NDUFA11: variants seen among roughly 807,000 people sequenced by gnomAD.
NDUFA11 encodes the protein NADH dehydrogenase [ubiquinone] 1 alpha subcomplex subunit 11.
A neutral mutation model predicts 11.3 loss-of-function variants in NDUFA11; 14 were observed. The ratio of observed to expected loss-of-function variants is 1.24; its 90% CI spans 0.82 to 1.94. The LOEUF (loss-of-function observed/expected upper bound fraction) is 1.94, where lower values mean the gene tolerates loss of function less well. Among genes scored for constraint, NDUFA11 ranks in the 30% most tolerant of loss-of-function variants. NDUFA11 has a pLI of 0.00. For missense variants in NDUFA11, 204 were observed against 200.3 expected (o/e 1.02, Z -0.11); for synonymous variants, 87 against 85.6 (o/e 1.02, Z -0.09).
Position 5,899,011 on chromosome 19 carries a change from C to T in NDUFA11, c.98-2014G>A, listed in dbSNP as rs1475624453. On this transcript the variant is annotated intron_variant, in intron 1 of 3. Transcript: ENST00000308961. Reference sequence around the variant, plus strand: ...CCAGTACAGCCGTCCCCCCAGGACTCCCCACCTGCTCCTGGCCCAGCAGCC... The same window carrying T: ...CCAGTACAGCCGTCCCCCCAGGACTTCCCACCTGCTCCTGGCCCAGCAGCC... Among the ~76,000 whole-genome samples, 3 of 151,998 alleles carry T rather than the reference C, an allele frequency of 2.0e-5. No individual in the cohort carries two copies. In the East Asian group the frequency reaches 5.8e-4, roughly 29 times the overall value.
chr19:5,898,454 C>T (rs998976431), intron 1 of NDUFA11, among the ~76,000 whole-genome samples: 1 of 152,188 alleles, frequency 6.6e-6, no homozygotes, highest in African/African-American at 2.4e-5. Context: ...ATCTGCTCCC[C>T]ACAAGCACAG....
At chr19:5,894,478 C>T (rs188332713), downstream of NDUFA11, among the ~76,000 whole-genome samples, 133 of 152,304 alleles carry the variant, frequency 8.7e-4, 2 homozygotes, top group South Asian at 0.01. Context: ...CAGCCGTCTC[C>T]CCTCCTGGGC....
Position 5,896,765 on chromosome 19 carries a change from G to A in NDUFA11, c.190+140C>T. On this transcript the variant is annotated intron_variant, in intron 2 of 3. Coordinates refer to ENST00000308961, the MANE Select transcript of NDUFA11 (RefSeq NM_175614.5). The surrounding 1 kb of genome is among the most constrained non-coding windows in gnomAD (Gnocchi z 5.8). ...CACCCTACATGTATTCCTGATAAAG[G>A]AACACCCCACTTTCTCCGGATGGCC... 8.5e-7 allele frequency: 1 copy of A among 1,179,348 alleles called. No homozygotes were observed. 73.1% of individuals were successfully genotyped at this position (1,179,348 alleles called of 1,614,324 possible).
At chr19:5,897,230 T>C (rs908668063) in intron 1 of NDUFA11, among the ~76,000 whole-genome samples, 1 of 152,216 alleles carries the variant, frequency 6.6e-6, no homozygotes, top group African/African-American at 2.4e-5. Context: ...CCTTGGCCAC[T>C]TTCTCAAGCC....
At chr19:5,898,227 C>T (rs2057622721) in intron 1 of NDUFA11, among the ~76,000 whole-genome samples, 2 of 152,182 alleles carry the variant, frequency 1.3e-5, no homozygotes, top group Admixed American at 1.3e-4. Flanking sequence ...CTTCACCCAC[C>T]ACGACTGCCC....
chr19:5,895,744 T>G (rs1599692075), intron 3 of NDUFA11: 1 of 152,684 alleles, frequency 6.5e-6, no homozygotes, highest in Admixed American at 6.5e-5. Context: ...AGGGCAGGAG[T>G]GATGTCTGGC....
intron 1 of NDUFA11, 108 bp from the exon 2 acceptor site, chr19:5,897,105 C>T (rs547372803): frequency 1.1e-6 from 1 of 870,630 alleles, no homozygotes; most frequent in East Asian, 2.4e-5. Context: ...CGATGCCCCC[C>T]TTCTTTGCCC....
chr19:5,893,028 C>T, downstream of NDUFA11: 1 of 1,535,172 alleles, frequency 6.5e-7, no homozygotes, highest in South Asian at 1.2e-5. The surrounding 1 kb of genome is among the most constrained non-coding windows in gnomAD (Gnocchi z 4.1). Flanking sequence ...CGCCCTTTCT[C>T]AGGGAGCCCG....
At chr19:5,894,414 G>A (rs1481192876), downstream of NDUFA11, among the ~76,000 whole-genome samples, 2 of 152,194 alleles carry the variant, frequency 1.3e-5, no homozygotes, top group African/African-American at 2.4e-5. Context: ...CAGGTCACTG[G>A]CACGCTCCTG....
chr19:5,896,154 C>T lies in NDUFA11; in HGVS notation c.313+299G>A, dbSNP rs2057606547. 5.1e-6 allele frequency: 3 copies of T among 589,834 alleles called. No individual in the cohort carries two copies. Among genetic ancestry groups the T allele is most frequent in the Non-Finnish European group, 9.0e-6 (3 of 331,938 alleles). 36.5% of individuals were successfully genotyped at this position (589,834 alleles called of 1,614,324 possible). A position where few individuals can be genotyped will look rare whatever the true frequency, so the allele number is the denominator to read the frequency against. Reference sequence around the variant, plus strand: ...AACAGCATTCCACGCAGTGCACTGCCCATGCAAAGGCCCTGGGGCAGGACT... The same window carrying T: ...AACAGCATTCCACGCAGTGCACTGCTCATGCAAAGGCCCTGGGGCAGGACT... On this transcript the variant is annotated intron_variant, in intron 3 of 3. Transcript: ENST00000308961. The surrounding 1 kb of genome is among the most constrained non-coding windows in gnomAD (Gnocchi z 5.8).
intron 1 of NDUFA11, chr19:5,902,591 G>C (rs1157526650): frequency 6.6e-6 from 1 of 152,356 alleles, no homozygotes; most frequent in African/African-American, 2.4e-5. Context: ...TCATCAGAGG[G>C]AAGAGGACTT....
chr19:5,897,292 T>C (rs377639326), intron 1 of NDUFA11, among the ~76,000 whole-genome samples: 8 of 152,326 alleles, frequency 5.3e-5, no homozygotes, highest in South Asian at 2.1e-4. Context: ...TCAGCCATGC[T>C]GGCCCTGGCA....
downstream of NDUFA11, chr19:5,894,616 C>A: frequency 6.5e-7 from 1 of 1,534,628 alleles, no homozygotes. Flanking sequence ...CTCACTCCCT[C>A]CCAGATCCGC....
In NDUFA11 at chr19:5,896,351, C is replaced by T; in HGVS notation, c.313+102G>A. On this transcript the variant is annotated intron_variant, in intron 3 of 3. Transcript: ENST00000308961. This position sits in a 1 kb window ranked among gnomAD's most constrained non-coding sequence, Gnocchi z 5.8. ...GCTGGTGTTCAAGAAGGCTGCTTTA[C>T]TTCTTGTCCGGGATGGAACAGAGAG... is the stretch of plus-strand genomic sequence containing the variant. 1.5e-6 allele frequency: 2 copies of T among 1,325,544 alleles called. No homozygotes were observed. Among genetic ancestry groups the T allele is most frequent in the East Asian group, 2.6e-5 (1 of 39,006 alleles). The allele number at this position is 1,325,544 out of a possible 1,614,324, so 82.1% of individuals were successfully genotyped here.
downstream of NDUFA11, chr19:5,892,536 A>G (rs1022625100): frequency 5.7e-6 from 1 of 176,634 alleles, no homozygotes; most frequent in African/African-American, 2.4e-5. Context: ...CCATTCCTAG[A>G]AGCCATCACT....
intron 1 of NDUFA11, 121 bp downstream of exon 1, chr19:5,903,491 G>C: frequency 2.1e-6 from 2 of 943,722 alleles, no homozygotes; most frequent in South Asian, 3.0e-5. Flanking sequence ...AAGACACCCC[G>C]ATGACAACCA....
At chr19:5,893,214 C>G, downstream of NDUFA11, 2 of 1,535,752 alleles carry the variant, frequency 1.3e-6, no homozygotes, top group Non-Finnish European at 1.7e-6. The surrounding 1 kb of genome is among the most constrained non-coding windows in gnomAD (Gnocchi z 4.1). Flanking sequence ...TCCCAGCACT[C>G]TGGGAGGCTG....
chr19:5,897,966 C>A lies in NDUFA11; in HGVS notation c.98-969G>T, dbSNP rs77957215. Among the ~76,000 whole-genome samples, 38 of 152,356 alleles carry A rather than the reference C, an allele frequency of 2.5e-4. 2 individuals carry two copies. In the East Asian group the frequency reaches 4.6e-3, roughly 19 times the overall value. On this transcript the variant is annotated intron_variant, in intron 1 of 3. Coordinates refer to ENST00000308961, the MANE Select transcript of NDUFA11 (RefSeq NM_175614.5). ...GACTGCTCAGGGCAAACAAGCACCCCCCTCTCCCTACAGCCTCGAAACATA... is the reference window on the plus strand; with the variant it reads ...GACTGCTCAGGGCAAACAAGCACCCACCTCTCCCTACAGCCTCGAAACATA...
chr19:5,896,280 A>AGT lies in NDUFA11; in HGVS notation c.313+171_313+172dup. On this transcript the variant is annotated intron_variant, in intron 3 of 3. Transcript: ENST00000308961. This position sits in a 1 kb window ranked among gnomAD's most constrained non-coding sequence, Gnocchi z 5.8. ...GACAGGGCAGGTCAGGGAGGGCCAC[A>AGT]GTAGGTGCTTAAGCAGCAGCAGCAG... 1 of 753,568 alleles carries AGT rather than the reference A, an allele frequency of 1.3e-6. No individual in the cohort carries two copies. Among genetic ancestry groups the AGT allele is most frequent in the Non-Finnish European group, 2.1e-6 (1 of 467,332 alleles). 46.7% of individuals were successfully genotyped at this position (753,568 alleles called of 1,614,324 possible). A position where few individuals can be genotyped will look rare whatever the true frequency, so the allele number is the denominator to read the frequency against.
Sources: allele counts gnomAD v4.1 joint callset (sites outside exome capture counted in the v4.1 genomes callset), GRCh38; gene constraint gnomAD v4.1.1; non-coding constraint Gnocchi (gnomAD v3.1); transcripts MANE v1.5; gene names NCBI Gene and HGNC (gene_info 2026-07-23, HGNC 2026-07-21).